TRIM44: variants seen among roughly 807,000 people sequenced by gnomAD.
The protein encoded by TRIM44 is tripartite motif-containing protein 44.
A neutral mutation model predicts 37.4 loss-of-function variants in TRIM44; 13 were observed. That is an observed-to-expected ratio of 0.35 (90% CI 0.23 to 0.55). The LOEUF is 0.55. Among genes scored for constraint, TRIM44 ranks in the 20% least tolerant of loss-of-function variants. The probability of loss-of-function intolerance (pLI) is 0.89; values close to 1 mark genes in which losing one functional copy is unlikely to be tolerated. For missense variants in TRIM44, 426 were observed against 437.2 expected (o/e 0.97, Z 0.23); for synonymous variants, 175 against 157.2 (o/e 1.11, Z -0.85).
At chr11:35,664,082 G>C (rs1418599943) in intron 1 of TRIM44, among the ~76,000 whole-genome samples, 3 of 152,070 alleles carry the variant, frequency 2.0e-5, no homozygotes, top group Non-Finnish European at 2.9e-5. Context: ...CCCCACTTAG[G>C]CCAATTTCCA....
At chr11:35,680,304 A>C (rs941066129) in intron 1 of TRIM44, among the ~76,000 whole-genome samples, 6 of 152,170 alleles carry the variant, frequency 3.9e-5, no homozygotes, top group African/African-American at 1.2e-4. Flanking sequence ...ATTAATAGGA[A>C]TATATTTAAC....
intron 1 of TRIM44, among the ~76,000 whole-genome samples, chr11:35,666,962 CTGTTATT>C: frequency 6.6e-6 from 1 of 152,096 alleles, no homozygotes; most frequent in African/African-American, 2.4e-5. Flanking sequence ...ATCCTTATAT[CTGTTATT>C]TGTTTTTTCT....
intron 4 of TRIM44, among the ~76,000 whole-genome samples, chr11:35,803,870 A>C (rs1025570505): frequency 6.6e-6 from 1 of 152,144 alleles, no homozygotes; most frequent in Non-Finnish European, 1.5e-5. Flanking sequence ...GACGACATAC[A>C]AGCTGAGCAA....
chr11:35,664,344 G>A (rs535236034), intron 1 of TRIM44, among the ~76,000 whole-genome samples: 1 of 152,364 alleles, frequency 6.6e-6, no homozygotes, highest in East Asian at 1.9e-4. Flanking sequence ...TGGGGTGGGA[G>A]TGGAAGTTCC....
rs113299099 is a variant in TRIM44 at position 35,700,766 on chromosome 11, G to C, written c.747+15430G>C. ...GGCGTGGCTAATTCCATATGTCCCC[G>C]GGACTTATCTACAATATAATGCTCC... On this transcript the variant is annotated intron_variant, in intron 2 of 4. Coordinates refer to ENST00000299413, the MANE Select transcript of TRIM44 (RefSeq NM_017583.6). Among the ~76,000 whole-genome samples the C allele has an allele frequency of 7.4e-3, 1,126 of 152,176 alleles. 3 individuals are homozygous for C. Among genetic ancestry groups the C allele is most frequent in the Admixed American group, 0.011 (161 of 15,290 alleles).
chr11:35,748,144 A>G (rs1852514978), intron 4 of TRIM44, among the ~76,000 whole-genome samples: 1 of 152,168 alleles, frequency 6.6e-6, no homozygotes, highest in Non-Finnish European at 1.5e-5. Flanking sequence ...ACAGGGGGCC[A>G]CATGAATGAC....
intron 4 of TRIM44, among the ~76,000 whole-genome samples, chr11:35,772,303 G>T (rs1289542512): frequency 6.6e-6 from 1 of 152,218 alleles, no homozygotes; most frequent in East Asian, 1.9e-4. Context: ...GAAATGTGGG[G>T]TTGGAGCCCC....
rs949606101 is a variant in TRIM44, at chr11:35,811,930, C to T, written c.*5545C>T. On this transcript the variant is annotated 3_prime_UTR_variant, in exon 5 of 5. Coordinates refer to ENST00000299413, the MANE Select transcript of TRIM44 (RefSeq NM_017583.6). ...CCCAGGACAGCAGACTCTCTGTCTC[C>T]GAGAGCAATCATTAGGCCCTACTTC... 2 of 152,226 alleles carry T rather than the reference C, an allele frequency of 1.3e-5. No individual in the cohort carries two copies. Among genetic ancestry groups the T allele is most frequent in the African/African-American group, 2.4e-5 (1 of 41,442 alleles). The allele number at this position is 152,226 out of a possible 1,614,324, so 9.4% of individuals were successfully genotyped here.
At chr11:35,764,888 A>G (rs1468930572) in intron 4 of TRIM44, among the ~76,000 whole-genome samples, 1 of 152,172 alleles carries the variant, frequency 6.6e-6, no homozygotes, top group Non-Finnish European at 1.5e-5. Context: ...ATTATGCAGT[A>G]TGAGCTCTCT....
At chr11:35,667,017 T>C (rs746166696) in intron 1 of TRIM44, among the ~76,000 whole-genome samples, 4 of 152,218 alleles carry the variant, frequency 2.6e-5, no homozygotes, top group Middle Eastern at 3.2e-3. Context: ...AGTATTATGT[T>C]GAATGGATGT....
chr11:35,690,322 C>G (rs1033516660), intron 2 of TRIM44, among the ~76,000 whole-genome samples: 7 of 152,186 alleles, frequency 4.6e-5, no homozygotes, highest in Non-Finnish European at 7.3e-5. Flanking sequence ...TAGCTGATAT[C>G]ATTGGCATGG....
intron 4 of TRIM44, among the ~76,000 whole-genome samples, chr11:35,756,740 C>G (rs1483032024): frequency 1.3e-5 from 2 of 152,092 alleles, no homozygotes; most frequent in Admixed American, 6.5e-5. Context: ...TGTCAAAGGC[C>G]TTTTCTGCAT....
chr11:35,755,031 G>A (rs563319432), intron 4 of TRIM44, among the ~76,000 whole-genome samples: 3 of 152,152 alleles, frequency 2.0e-5, no homozygotes, highest in Admixed American at 6.5e-5. Context: ...GTAATGGGAT[G>A]GCTGGGTCAA....
At chr11:35,677,414 ATTTTT>A (rs1314726815) in intron 1 of TRIM44, among the ~76,000 whole-genome samples, 1 of 151,064 alleles carries the variant, frequency 6.6e-6, no homozygotes, top group African/African-American at 2.4e-5. Context: ...TTAGTAAAAT[ATTTTT>A]TTTATTTTGT....
chr11:35,800,214 A>C (rs1012793337), intron 4 of TRIM44, among the ~76,000 whole-genome samples: 10 of 152,206 alleles, frequency 6.6e-5, no homozygotes, highest in Admixed American at 3.9e-4. Context: ...TCAGGAATGA[A>C]GCCACGGACC....
chr11:35,755,235 T>A (rs1192502250), intron 4 of TRIM44, among the ~76,000 whole-genome samples: 1 of 152,232 alleles, frequency 6.6e-6, no homozygotes, highest in Non-Finnish European at 1.5e-5. Flanking sequence ...TGGTTTTGAT[T>A]TGCATTTCTC....
intron 1 of TRIM44, among the ~76,000 whole-genome samples, chr11:35,669,657 A>G (rs1376063517): frequency 6.6e-6 from 1 of 151,786 alleles, no homozygotes; most frequent in Non-Finnish European, 1.5e-5. Context: ...TTATATTTCT[A>G]GTATAGAGAT....
At chr11:35,802,414 CG>C (rs973305956) in intron 4 of TRIM44, among the ~76,000 whole-genome samples, 1 of 152,006 alleles carries the variant, frequency 6.6e-6, no homozygotes, top group Admixed American at 6.6e-5. Flanking sequence ...AGCATTTCTG[CG>C]GAAGTGTGGG....
intron 2 of TRIM44, among the ~76,000 whole-genome samples, chr11:35,699,298 A>G (rs181546038): frequency 5.1e-4 from 78 of 152,346 alleles, no homozygotes; most frequent in African/African-American, 1.9e-3. Flanking sequence ...CTGGTTCAAC[A>G]TACGCAAATC....
Sources: gnomAD v4.1 joint callset for allele counts (sites outside exome capture counted in the v4.1 genomes callset) on GRCh38, gnomAD v4.1.1 for gene constraint, MANE v1.5 for transcripts, NCBI Gene and HGNC (gene_info 2026-07-23, HGNC 2026-07-21) for gene names.